The following FUCA1 variants were observed in gnomAD, a reference collection of about 807,000 sequenced individuals.
FUCA1 encodes the protein alpha-L-fucosidase 1, also known as tissue alpha-L-fucosidase.
FUCA1 carries 52 observed loss-of-function variants against 56.8 expected under a neutral mutation model. That is an observed-to-expected ratio of 0.92 (90% confidence interval 0.73 to 1.15). The LOEUF is 1.15. FUCA1 is among the 50% of genes most tolerant of loss of function. The pLI is 0.00. For missense variants in FUCA1, 568 were observed against 592.6 expected (o/e 0.96, Z 0.43); for synonymous variants, 230 against 226.6 (o/e 1.02, Z -0.14).
chr1:23,848,175 A>G (rs1416488922), intron 6 of FUCA1, among the ~76,000 whole-genome samples: 1 of 152,192 alleles, frequency 6.6e-6, no homozygotes, highest in African/African-American at 2.4e-5. Context: ...GGTATAATAA[A>G]AGCAGTTCCC....
intron 5 of FUCA1, among the ~76,000 whole-genome samples, chr1:23,852,125 T>TA (rs1185718568): frequency 6.7e-6 from 1 of 148,340 alleles, no homozygotes; most frequent in South Asian, 2.1e-4. Flanking sequence ...GATCCATAGT[T>TA]AAAAAATAGT....
In FUCA1 at chr1:23,863,255, G is replaced by A. The variant is rs760734726; in HGVS notation, c.541C>T (p.Leu181=). The part of the protein sequence containing the change: ...ALRKRNIRYG[L]YHSLLEWFHP... ...AACCACTCTAAGAGTGAGTGGTATA[G>A]TCCATAGCGGATGTTCCTTAAACAG... Residue 181 remains leucine, a synonymous_variant, in exon 3 of 8, where the codon CTA becomes TTA. Transcript: ENST00000374479. The A allele has an allele frequency of 6.2e-7, 1 of 1,613,164 alleles. No individual in the cohort carries two copies. Among genetic ancestry groups the A allele is most frequent in the Non-Finnish European group, 8.5e-7 (1 of 1,179,710 alleles).
At chr1:23,850,175 G>A (rs1315291206) in intron 5 of FUCA1, among the ~76,000 whole-genome samples, 1 of 151,572 alleles carries the variant, frequency 6.6e-6, no homozygotes, top group African/African-American at 2.4e-5. Flanking sequence ...AATTAGCTGG[G>A]CACAGTGGTA....
intron 1 of FUCA1, among the ~76,000 whole-genome samples, chr1:23,866,004 G>T (rs187414970): frequency 7.7e-4 from 118 of 152,280 alleles, no homozygotes; most frequent in African/African-American, 2.6e-3. Context: ...GGAAATGGCA[G>T]ATAATAGAAA....
Position 23,846,144 on chromosome 1 carries a change from G to A in FUCA1, c.1190C>T (p.Ala397Val), listed in dbSNP as rs766121368. The A allele has an allele frequency of 5.0e-6, 8 of 1,613,872 alleles. No homozygotes were observed. The African/African-American group carries it at 1.1e-4, about 22-fold the overall frequency. ...ATTTTCTGGCCAGTGCAGAAAAATG[G>A]CATAAACAGCCGATCCCTTTGAGGT... ...WYTSKGSAVYAIFLHWPENGV... is the reference protein window; with the variant it reads ...WYTSKGSAVYVIFLHWPENGV... Residue 397 changes from alanine (A) to valine (V), a missense_variant, in exon 7 of 8, where the codon GCC becomes GTC. Transcript: ENST00000374479.
At position 23,868,274 on chromosome 1, in the gene FUCA1, C is replaced by G. The variant is rs1557517193; in HGVS notation, c.13G>C (p.Gly5Arg). 3 of 1,552,122 alleles carry G rather than the reference C, an allele frequency of 1.9e-6. No homozygotes were observed. Among genetic ancestry groups the G allele is most frequent in the Non-Finnish European group, 2.6e-6 (3 of 1,150,952 alleles). MRAP[G>R]MRSRPAGPAL... ...GGACCCGCCGGCCGCGACCTCATCC[C>G]CGGAGCCCGCATCGCTACCCCTCAG... is the stretch of plus-strand genomic sequence containing the variant. Residue 5 changes from glycine (G) to arginine (R), a missense_variant, in exon 1 of 8, where the codon GGG (glycine) becomes CGG (arginine). Gly to Arg is a moderately radical substitution (Grantham distance 125, BLOSUM62 -2). Transcript: ENST00000374479.
chr1:23,853,074 C>G (rs1393318707), intron 5 of FUCA1, among the ~76,000 whole-genome samples: 1 of 144,604 alleles, frequency 6.9e-6, no homozygotes, highest in Non-Finnish European at 1.5e-5. Context: ...AAGTGAGGAG[C>G]GTCTCTGCCC....
At chr1:23,853,370 C>T (rs1273391631) in intron 5 of FUCA1, among the ~76,000 whole-genome samples, 1 of 148,618 alleles carries the variant, frequency 6.7e-6, no homozygotes, top group South Asian at 2.1e-4. Flanking sequence ...CCCGGCCAGC[C>T]GCCCCGTCCG....
Position 23,845,635 on chromosome 1 carries a change from A to G in FUCA1, c.*80T>C, listed in dbSNP as rs1639121665. On this transcript the variant is annotated 3_prime_UTR_variant, in exon 8 of 8. Coordinates refer to ENST00000374479, the MANE Select transcript of FUCA1 (RefSeq NM_000147.5). The stretch of plus-strand genomic sequence containing the variant: ...CTGGGTGGAGAAGAGAAGTTCGTTG[A>G]TTATAGTGATGGTACTATAAGAGAA... 1 of 1,541,776 alleles carries G rather than the reference A, an allele frequency of 6.5e-7. No homozygotes were observed. Among genetic ancestry groups the G allele is most frequent in the Non-Finnish European group, 9.0e-7 (1 of 1,114,484 alleles).
Position 23,863,267 on chromosome 1 carries a change from T to G in FUCA1, c.529A>C (p.Ile177Leu), listed in dbSNP as rs758794850. 2 of 1,612,930 alleles carry G rather than the reference T, an allele frequency of 1.2e-6. No homozygotes were observed. Among genetic ancestry groups the G allele is most frequent in the Non-Finnish European group, 1.7e-6 (2 of 1,179,878 alleles). Residue 177 changes from isoleucine (I) to leucine (L), a missense_variant, in exon 3 of 8, where the codon ATC becomes CTC. By Grantham distance (5) the Ile-to-Leu change is conservative (BLOSUM62 2). Transcript: ENST00000374479. ...ELGTALRKRN[I>L]RYGLYHSLLE... The stretch of plus-strand genomic sequence containing the variant: ...AGTGAGTGGTATAGTCCATAGCGGA[T>G]GTTCCTTAAACAGAAAAACAGAACA...
At chr1:23,852,078 G>GTAATAA (rs1410102992) in intron 5 of FUCA1, among the ~76,000 whole-genome samples, 2,188 of 145,110 alleles carry the variant, frequency 0.015, 43 homozygotes, top group African/African-American at 0.044. Context: ...ATGTTAGAAG[G>GTAATAA]TAATAATAAT....
intron 3 of FUCA1, 113 bp downstream of exon 3, chr1:23,863,021 G>C (rs1332001984): frequency 9.1e-7 from 1 of 1,102,964 alleles, no homozygotes; most frequent in Admixed American, 1.8e-5. Context: ...TTATTATTTT[G>C]ATGTCTTTTA....
rs1407130212 is a variant in FUCA1 at position 23,868,037 on chromosome 1, C to T, written c.250G>A (p.Glu84Lys). ...SEWFWWHWQG[E>K]GRPQYQRFMR... ...AAGCGCTGGTACTGCGGCCGCCCCT[C>T]GCCCTGCCAGTGCCACCAGAACCAC... Residue 84 changes from glutamate (E) to lysine (K), a missense_variant, in exon 1 of 8, where the codon GAG (glutamate) becomes AAG (lysine). Glu to Lys is a moderately conservative substitution (Grantham distance 56). Coordinates refer to ENST00000374479, the MANE Select transcript of FUCA1 (RefSeq NM_000147.5). 5 of 1,610,170 alleles carry T rather than the reference C, an allele frequency of 3.1e-6. No homozygotes were observed. Among genetic ancestry groups the T allele is most frequent in the Non-Finnish European group, 4.2e-6 (5 of 1,179,102 alleles).
chr1:23,852,480 A>G (rs1269272955), intron 5 of FUCA1, among the ~76,000 whole-genome samples: 1 of 114,454 alleles, frequency 8.7e-6, no homozygotes, highest in Non-Finnish European at 1.8e-5. Flanking sequence ...CCCTCTCCCC[A>G]CGGTCTCCCT....
chr1:23,866,909 C>G (rs1179849904), intron 1 of FUCA1, among the ~76,000 whole-genome samples: 3 of 152,168 alleles, frequency 2.0e-5, no homozygotes, highest in Non-Finnish European at 2.9e-5. Context: ...TCTGCTTAAT[C>G]AAGTCTTATA....
At chr1:23,860,647 CTT>C (rs201252026) in intron 3 of FUCA1, among the ~76,000 whole-genome samples, 1 of 141,920 alleles carries the variant, frequency 7.0e-6, no homozygotes. Context: ...TCCTTTCTTC[CTT>C]TTTTTTTTTG....
intron 1 of FUCA1, 65 bp from the exon 2 acceptor site, chr1:23,865,690 A>C (rs1639609944): frequency 2.5e-6 from 4 of 1,584,180 alleles, no homozygotes; most frequent in Non-Finnish European, 3.5e-6. Flanking sequence ...CTTGCCCAGC[A>C]TGCCTGAGGC....
chr1:23,865,659 TG>T (rs1639609026), intron 1 of FUCA1, 34 bp from the exon 2 acceptor site: 1 of 1,614,130 alleles, frequency 6.2e-7, no homozygotes, highest in Non-Finnish European at 8.5e-7. Context: ...GCAAAGGAAG[TG>T]GGCAGTGAAC....
At position 23,868,069 on chromosome 1, in the gene FUCA1, C is replaced by T. The variant is rs768929138; in HGVS notation, c.218G>A (p.Gly73Asp). ...HWGVFSVPAWGSEWFWWHWQG... is the reference protein window; with the variant it reads ...HWGVFSVPAWDSEWFWWHWQG... ...CCAGTGCCACCAGAACCACTCGCTGCCCCAGGCGGGCACCGAGAACACGCC... is the reference window on the plus strand; with the variant it reads ...CCAGTGCCACCAGAACCACTCGCTGTCCCAGGCGGGCACCGAGAACACGCC... The change falls in exon 1 of 8, where the codon GGC becomes GAC. Residue 73 changes from glycine (G) to aspartate (D), a missense_variant. By Grantham distance (94) the Gly-to-Asp change is moderately conservative. Transcript: ENST00000374479. 3.1e-6 allele frequency: 5 copies of T among 1,611,674 alleles called. No individual in the cohort carries two copies. Among genetic ancestry groups the T allele is most frequent in the Admixed American group, 1.7e-5 (1 of 59,860 alleles).
Sources: allele counts gnomAD v4.1 joint callset (sites outside exome capture counted in the v4.1 genomes callset), GRCh38; gene constraint gnomAD v4.1.1; transcripts MANE v1.5; gene names NCBI Gene and HGNC (gene_info 2026-07-23, HGNC 2026-07-21).